NCBP1: variants seen among roughly 807,000 people sequenced by gnomAD.
NCBP1 encodes nuclear cap-binding protein subunit 1.
A neutral mutation model predicts 111.7 loss-of-function variants in NCBP1; 16 were observed. The ratio of observed to expected loss-of-function variants is 0.14; its 90% CI spans 0.10 to 0.22. NCBP1 has a LOEUF of 0.22. Ranked by LOEUF, NCBP1 falls within the 10% of genes least tolerant of loss-of-function variation. The pLI is 1.00. For missense variants in NCBP1, 607 were observed against 957.5 expected, an observed-to-expected ratio of 0.63 and a Z score of 4.83; for synonymous variants, 304 against 314.3, an observed-to-expected ratio of 0.97 and a Z score of 0.35.
intron 18 of NCBP1, among the ~76,000 whole-genome samples, 157 bp downstream of exon 18, chr9:97,663,204 TG>T (rs1172454475): frequency 6.6e-6 from 1 of 152,220 alleles, no homozygotes; most frequent in African/African-American, 2.4e-5. Context: ...GGAGTAATGA[TG>T]TTTCATTCAT....
At chr9:97,665,584 G>A (rs1009299841) in intron 19 of NCBP1, among the ~76,000 whole-genome samples, 12 of 152,322 alleles carry the variant, frequency 7.9e-5, no homozygotes, top group Admixed American at 7.2e-4. Context: ...CCCCTCCAGA[G>A]TTAAAGTGCT....
In NCBP1 at chr9:97,662,962, A is replaced by G. The variant is rs1333061085; in HGVS notation, c.1712A>G (p.Glu571Gly). ...CCCATCATTATCAAAAGGTTTCATG[A>G]AGTCTTCAAAACCCTAGCTGAAAGT... The part of the protein sequence containing the change: ...HSFSALAKFH[E>G]VFKTLAESDE... Residue 571 changes from glutamate to glycine, a missense_variant, in exon 18 of 23, where the codon GAA (glutamate) becomes GGA (glycine). Transcript: ENST00000375147. 3.1e-6 allele frequency: 5 copies of G among 1,610,614 alleles called. No individual in the cohort carries two copies. The highest frequency in any genetic ancestry group is 4.2e-6 in the Non-Finnish European group (5 of 1,178,532).
In NCBP1 at chr9:97,645,674, T is replaced by C; in HGVS notation, c.553T>C (p.Tyr185His). The C allele has an allele frequency of 1.1e-5, 17 of 1,614,074 alleles. No homozygotes were observed. The highest frequency in any genetic ancestry group is 1.4e-5 in the Non-Finnish European group (17 of 1,179,960). ...SSLPWVGKEL[Y>H]EKKDAEMDRI... is the part of the protein sequence containing the mutation. Reference sequence around the variant, plus strand: ...TTTGCCCTGGGTTGGAAAGGAGTTGTACGAAAAGAAAGATGCAGAGATGGA... The same window carrying C: ...TTTGCCCTGGGTTGGAAAGGAGTTGCACGAAAAGAAAGATGCAGAGATGGA... Residue 185 changes from tyrosine to histidine, a missense_variant, in exon 6 of 23, where the codon TAC (tyrosine) becomes CAC (histidine). Transcript: ENST00000375147.
intron 8 of NCBP1, among the ~76,000 whole-genome samples, chr9:97,650,075 TAGAC>T (rs1252825738): frequency 1.3e-5 from 2 of 152,194 alleles, no homozygotes; most frequent in Non-Finnish European, 2.9e-5. Flanking sequence ...GTTTTGAGCT[TAGAC>T]AGTATATTAT....
intron 20 of NCBP1, among the ~76,000 whole-genome samples, chr9:97,668,035 T>C (rs921380055): frequency 2.0e-5 from 3 of 152,196 alleles, no homozygotes; most frequent in Admixed American, 1.3e-4. Context: ...AGGGTTCTGA[T>C]AATTTTGCTT....
intron 1 of NCBP1, among the ~76,000 whole-genome samples, chr9:97,635,087 G>T (rs139697879): frequency 2.0e-5 from 3 of 152,324 alleles, no homozygotes; most frequent in African/African-American, 4.8e-5. Context: ...ACTAACGTTT[G>T]TCTCTCCTTG....
Position 97,672,724 on chromosome 9 carries a change from A to G in NCBP1, c.*1525A>G. 5.6e-6 allele frequency: 1 copy of G among 180,110 alleles called. No homozygotes were observed. Among genetic ancestry groups the G allele is most frequent in the Middle Eastern group, 2.4e-3 (1 of 414 alleles). 11.2% of individuals were successfully genotyped at this position (180,110 alleles called of 1,614,324 possible). ...GCCCCTTGTCTTCCTCAGCCTGCTC[A>G]ACGTGAAGATGATGAGGATGAAGAC... On this transcript the variant is annotated 3_prime_UTR_variant, in exon 23 of 23. Transcript: ENST00000375147.
Position 97,655,566 on chromosome 9 carries a change from A to G in NCBP1, c.1236-136A>G, listed in dbSNP as rs944575191. 5.8e-5 allele frequency: 35 copies of G among 603,672 alleles called. No homozygotes were observed. The East Asian group carries it at 7.9e-4, about 14-fold the overall frequency. The allele number at this position is 603,672 out of a possible 1,614,324, so 37.4% of individuals were successfully genotyped here. On this transcript the variant is annotated intron_variant, in intron 12 of 22. Transcript: ENST00000375147. ...ATAAAGAGAGTTGGCAGAAGATACAACTGCATGTAGGGGAATATGCTTTTC... is the reference window on the plus strand; with the variant it reads ...ATAAAGAGAGTTGGCAGAAGATACAGCTGCATGTAGGGGAATATGCTTTTC...
At chr9:97,639,865 C>T (rs1246871816) in intron 1 of NCBP1, among the ~76,000 whole-genome samples, 4 of 152,106 alleles carry the variant, frequency 2.6e-5, no homozygotes, top group African/African-American at 4.8e-5. Context: ...TTTTAGCACA[C>T]CTTCATTCAA....
At chr9:97,642,867 T>C (rs984267422) in intron 3 of NCBP1, among the ~76,000 whole-genome samples, 1 of 152,134 alleles carries the variant, frequency 6.6e-6, no homozygotes, top group East Asian at 1.9e-4. Flanking sequence ...TATTTTACCA[T>C]GGAAACCATG....
chr9:97,663,035 G>A lies in NCBP1; in HGVS notation c.1785G>A (p.Arg595=). ...TAAGAGTTATGTTTGAGGTCTGGAG[G>A]AACCATCCACAGGTAAAAATTATTT... ...HVLRVMFEVW[R]NHPQMIAVLV... is the part of the protein sequence containing the mutation. Residue 595 remains arginine (R), a synonymous_variant, in exon 18 of 23, where the codon AGG becomes AGA. Transcript: ENST00000375147. 6.2e-7 allele frequency: 1 copy of A among 1,609,834 alleles called. No homozygotes were observed. The highest frequency in any genetic ancestry group is 1.1e-5 in the South Asian group (1 of 90,418).
At chr9:97,654,339 A>G (rs1827582643) in intron 11 of NCBP1, among the ~76,000 whole-genome samples, 1 of 152,210 alleles carries the variant, frequency 6.6e-6, no homozygotes, top group African/African-American at 2.4e-5. Context: ...CAGTGTTCAC[A>G]AGGAGTTGAT....
chr9:97,655,593 T>C, intron 12 of NCBP1, 109 bp from the exon 13 acceptor site: 1 of 787,298 alleles, frequency 1.3e-6, no homozygotes, highest in Non-Finnish European at 2.0e-6. Flanking sequence ...ATGCTTTTCA[T>C]TAACTCTGTA....
intron 18 of NCBP1, among the ~76,000 whole-genome samples, chr9:97,664,059 A>T (rs1201962323): frequency 6.6e-6 from 1 of 151,834 alleles, no homozygotes; most frequent in Non-Finnish European, 1.5e-5. Flanking sequence ...CACACCTGTA[A>T]TCTGAGCTGC....
chr9:97,659,659 C>G (rs1209491527), intron 15 of NCBP1, among the ~76,000 whole-genome samples: 1 of 152,136 alleles, frequency 6.6e-6, no homozygotes, highest in African/African-American at 2.4e-5. Flanking sequence ...AGCCACTGTG[C>G]TTTTTGGCAG....
chr9:97,636,516 TTTATATTTATATATTATATAA>T (rs1564015724), intron 1 of NCBP1, among the ~76,000 whole-genome samples: 73 of 65,244 alleles, frequency 1.1e-3, no homozygotes, highest in African/African-American at 2.5e-3. Flanking sequence ...ATATTATAAA[TTTATATTTATATATTATATAA>T]GTTTGTTTAT....
At chr9:97,643,929 A>G (rs963729021) in intron 4 of NCBP1, among the ~76,000 whole-genome samples, 6 of 152,114 alleles carry the variant, frequency 3.9e-5, no homozygotes, top group African/African-American at 1.2e-4. Flanking sequence ...TGGTCTTTCT[A>G]TAACTAGGCT....
chr9:97,653,065 CAG>C (rs1435394476), intron 10 of NCBP1, among the ~76,000 whole-genome samples: 1 of 151,076 alleles, frequency 6.6e-6, no homozygotes, highest in Non-Finnish European at 1.5e-5. Context: ...TTTCAAGTAA[CAG>C]TGTGGAATGA....
chr9:97,662,225 G>A, intron 17 of NCBP1, 81 bp downstream of exon 17: 3 of 1,045,346 alleles, frequency 2.9e-6, no homozygotes, highest in Non-Finnish European at 4.5e-6. Context: ...TTTTACCTAA[G>A]ATTGTTGAAT....
Sources: gnomAD v4.1 joint callset for allele counts (sites outside exome capture counted in the v4.1 genomes callset) on GRCh38, gnomAD v4.1.1 for gene constraint, MANE v1.5 for transcripts, NCBI Gene and HGNC (gene_info 2026-07-23, HGNC 2026-07-21) for gene names.